FASTKD1: variants seen among roughly 807,000 people sequenced by gnomAD.
FASTKD1 encodes FAST kinase domains 1.
In FASTKD1, 94 loss-of-function variants were observed where a neutral mutation model predicts 90.9. The observed-to-expected ratio is 1.03, with a 90% CI of 0.88 to 1.23. FASTKD1 has a LOEUF of 1.23. Ranked by LOEUF, FASTKD1 falls within the 50% of genes most tolerant of loss-of-function variation. The pLI is 0.00. For missense variants in FASTKD1, 945 were observed against 993.5 expected (o/e 0.95, Z 0.66); for synonymous variants, 319 against 345.8 (o/e 0.92, Z 0.86).
chr2:169,549,698 C>T (rs1003391961), intron 7 of FASTKD1, among the ~76,000 whole-genome samples: 2 of 152,094 alleles, frequency 1.3e-5, no homozygotes, highest in African/African-American at 4.8e-5. Flanking sequence ...AACTCCTGGG[C>T]TCAAACAATC....
At chr2:169,564,984 G>A (rs913451806) in intron 3 of FASTKD1, among the ~76,000 whole-genome samples, 3 of 120,008 alleles carry the variant, frequency 2.5e-5, no homozygotes, top group Admixed American at 1.0e-4. Context: ...ACGCAGTTTC[G>A]CTCTTGTTGC....
chr2:169,554,948 T>C (rs1413368402), intron 7 of FASTKD1, among the ~76,000 whole-genome samples, 176 bp downstream of exon 7: 3 of 152,220 alleles, frequency 2.0e-5, no homozygotes, highest in African/African-American at 7.2e-5. Context: ...TTTCAAAATA[T>C]ACCCAGCATG....
chr2:169,570,962 C>G (rs1025781264), intron 2 of FASTKD1: 1 of 152,286 alleles, frequency 6.6e-6, no homozygotes, highest in Non-Finnish European at 1.5e-5. Flanking sequence ...AAGTGTGAGT[C>G]ACCACACCCG....
chr2:169,529,800 C>T lies in FASTKD1; in HGVS notation c.*25G>A, dbSNP rs201970737. Reference sequence around the variant, plus strand: ...TTAAAATAGGTCCAAATGTAACACACGATAACATTCATTTTAAATAAAAAC... The same window carrying T: ...TTAAAATAGGTCCAAATGTAACACATGATAACATTCATTTTAAATAAAAAC... On this transcript the variant is annotated 3_prime_UTR_variant, in exon 15 of 15. Coordinates refer to ENST00000453153, the MANE Select transcript of FASTKD1 (RefSeq NM_024622.6). 246 of 1,502,232 alleles carry T rather than the reference C, an allele frequency of 1.6e-4. No individual in the cohort carries two copies. The highest frequency in any genetic ancestry group is 1.6e-4 in the Non-Finnish European group (174 of 1,087,022). 93.1% of individuals were successfully genotyped at this position (1,502,232 alleles called of 1,614,324 possible). A position where few individuals can be genotyped will look rare whatever the true frequency, so the allele number is the denominator to read the frequency against.
chr2:169,537,346 T>A lies in FASTKD1; in HGVS notation c.2075-6A>T. ...TCCATCCATGCCACCAATACCTTTA[T>A]AAAAAAATAAATAATTAGTCTACTT... is the stretch of plus-strand genomic sequence containing the variant. On this transcript the variant is annotated splice_region_variant and splice_polypyrimidine_tract_variant and intron_variant, in intron 11 of 14. Transcript: ENST00000453153. The A allele has an allele frequency of 6.6e-7, 1 of 1,517,176 alleles. No homozygotes were observed. The highest frequency in any genetic ancestry group is 9.0e-7 in the Non-Finnish European group (1 of 1,106,174). 94.0% of individuals were successfully genotyped at this position (1,517,176 alleles called of 1,614,324 possible). A position where few individuals can be genotyped will look rare whatever the true frequency, so the allele number is the denominator to read the frequency against.
intron 7 of FASTKD1, among the ~76,000 whole-genome samples, chr2:169,551,190 G>C (rs1467960295): frequency 1.3e-5 from 2 of 152,170 alleles, no homozygotes; most frequent in African/African-American, 4.8e-5. Context: ...GTTAGTGGGA[G>C]TAGGGATTGG....
chr2:169,572,225 A>T (rs926449081), intron 1 of FASTKD1, 54 bp from the exon 2 acceptor site: 8 of 470,056 alleles, frequency 1.7e-5, no homozygotes, highest in Non-Finnish European at 2.8e-5. Context: ...TATCAAAATG[A>T]TTCCAAAATT....
chr2:169,550,667 C>T (rs1238584116), intron 7 of FASTKD1, among the ~76,000 whole-genome samples: 2 of 151,998 alleles, frequency 1.3e-5, no homozygotes, highest in Admixed American at 6.6e-5. Flanking sequence ...TTTGTAGAGA[C>T]AGAGGCTTGC....
intron 9 of FASTKD1, among the ~76,000 whole-genome samples, chr2:169,543,383 A>C (rs538756576): frequency 6.6e-6 from 1 of 152,262 alleles, no homozygotes; most frequent in Admixed American, 6.5e-5. Context: ...GAATCGCTTG[A>C]ACCTGGGAGG....
At chr2:169,530,967 G>C (rs780725240) in intron 13 of FASTKD1, 1 of 676,844 alleles carries the variant, frequency 1.5e-6, no homozygotes, top group South Asian at 1.4e-5. Flanking sequence ...GTAAACCACT[G>C]TGAGGGGTAC....
chr2:169,573,765 C>A lies in FASTKD1; in HGVS notation c.-239G>T, dbSNP rs535089611. On this transcript the variant is annotated 5_prime_UTR_variant, in exon 1 of 15. Coordinates refer to ENST00000453153, the MANE Select transcript of FASTKD1 (RefSeq NM_024622.6). ...GGTTATTCCTGGTCCCAACACGGAA[C>A]GAAACAGGCTCGGATGTCTCGCCCA... 1 of 152,204 alleles carries A rather than the reference C, an allele frequency of 6.6e-6. No homozygotes were observed. The highest frequency in any genetic ancestry group is 1.5e-5 in the Non-Finnish European group (1 of 68,050). The allele number at this position is 152,204 out of a possible 1,614,324, so 9.4% of individuals were successfully genotyped here. A position where few individuals can be genotyped will look rare whatever the true frequency, so the allele number is the denominator to read the frequency against.
rs914248691 is a variant in FASTKD1, at chr2:169,562,138, A to G, written c.572+1087T>C. Among the ~76,000 whole-genome samples the G allele has an allele frequency of 2.0e-5, 3 of 147,478 alleles. 1 individual carries two copies. The highest frequency in any genetic ancestry group is 7.5e-5 in the African/African-American group (3 of 40,128). The stretch of plus-strand genomic sequence containing the variant: ...ATTTATTGTAAATTAATTATTTATT[A>G]ATTTATTGTAAATTAATTATTTATT... On this transcript the variant is annotated intron_variant, in intron 4 of 14. Coordinates refer to ENST00000453153, the MANE Select transcript of FASTKD1 (RefSeq NM_024622.6).
Position 169,537,280 on chromosome 2 carries a change from C to T in FASTKD1, c.2135G>A (p.Gly712Glu). 1 of 1,613,620 alleles carries T rather than the reference C, an allele frequency of 6.2e-7. No individual in the cohort carries two copies. The highest frequency in any genetic ancestry group is 8.5e-7 in the Non-Finnish European group (1 of 1,179,746). Residue 712 changes from glycine (G) to glutamate (E), a missense_variant, in exon 12 of 15, where the codon GGA becomes GAA. By Grantham distance (98) the Gly-to-Glu change is moderately conservative. Transcript: ENST00000453153. ...CGAGGCTTTTACACAATTGATTCCT[C>T]CTAGTACCTCTGCTAACATTTTAAA... ...QIFKMLAEVL[G>E]GINCVKASVL...
chr2:169,542,447 A>G (rs1384566832), intron 9 of FASTKD1, among the ~76,000 whole-genome samples: 1 of 152,190 alleles, frequency 6.6e-6, no homozygotes, highest in African/African-American at 2.4e-5. Context: ...AATAAAAAGG[A>G]AAAGGAAAAG....
intron 7 of FASTKD1, 78 bp from the exon 8 acceptor site, chr2:169,546,782 G>T: frequency 7.5e-7 from 1 of 1,336,894 alleles, no homozygotes; most frequent in Non-Finnish European, 1.0e-6. Flanking sequence ...ATACATATGA[G>T]TACAATTAAT....
At chr2:169,535,858 T>G (rs1215998484) in intron 12 of FASTKD1, among the ~76,000 whole-genome samples, 2 of 152,262 alleles carry the variant, frequency 1.3e-5, no homozygotes, top group African/African-American at 4.8e-5. Flanking sequence ...TTTACCATTT[T>G]GTTCATCTTT....
rs765224579 is a variant in FASTKD1 at position 169,544,835 on chromosome 2, T to A, written c.1702A>T (p.Ile568Phe). Reference sequence around the variant, plus strand: ...ATAGCAGGGATTGTAAAAGGATGGATCTGTATAAAAAGAACAAAAAATTTA... The same window carrying A: ...ATAGCAGGGATTGTAAAAGGATGGAACTGTATAAAAAGAACAAAAAATTTA... ...ASVAVQQIEKIHPFTIPAIIR... is the reference protein window; with the variant it reads ...ASVAVQQIEKFHPFTIPAIIR... Residue 568 changes from isoleucine to phenylalanine, a missense_variant and splice_region_variant, in exon 9 of 15, where the codon ATC (isoleucine) becomes TTC (phenylalanine). Physicochemically the swap from Ile to Phe is conservative, Grantham distance 21. Coordinates refer to ENST00000453153, the MANE Select transcript of FASTKD1 (RefSeq NM_024622.6). The A allele has an allele frequency of 8.7e-5, 136 of 1,570,870 alleles. 1 individual carries two copies. In the South Asian group the frequency reaches 1.5e-3, roughly 18 times the overall value.
At chr2:169,552,728 G>C (rs1685546192) in intron 7 of FASTKD1, among the ~76,000 whole-genome samples, 1 of 152,084 alleles carries the variant, frequency 6.6e-6, no homozygotes, top group South Asian at 2.1e-4. Context: ...ATATATAATG[G>C]ACGTTAGAGA....
chr2:169,561,947 TTAA>T (rs1187369822), intron 4 of FASTKD1, among the ~76,000 whole-genome samples: 3 of 132,818 alleles, frequency 2.3e-5, no homozygotes, highest in Non-Finnish European at 4.7e-5. Context: ...TTATTATAAA[TTAA>T]TTATTAATTT....
Sources: allele counts gnomAD v4.1 joint callset (sites outside exome capture counted in the v4.1 genomes callset), GRCh38; gene constraint gnomAD v4.1.1; transcripts MANE v1.5; gene names NCBI Gene and HGNC (gene_info 2026-07-23, HGNC 2026-07-21).